SPAG9: variants seen among roughly 807,000 people sequenced by gnomAD.
SPAG9 encodes the protein C-Jun-amino-terminal kinase-interacting protein 4.
A neutral mutation model predicts 166.5 loss-of-function variants in SPAG9; 35 were observed. The ratio of observed to expected loss-of-function variants is 0.21; its 90% CI spans 0.16 to 0.28. SPAG9 has a LOEUF of 0.28. SPAG9 is among the 10% of genes least tolerant of loss of function. The pLI is 1.00. For missense variants in SPAG9, 1,235 were observed against 1,603.3 expected, an observed-to-expected ratio of 0.77 and a Z score of 3.92; for synonymous variants, 534 against 565.5, an observed-to-expected ratio of 0.94 and a Z score of 0.79.
chr17:51,106,296 G>A (rs931228467), intron 1 of SPAG9, among the ~76,000 whole-genome samples: 12 of 151,950 alleles, frequency 7.9e-5, no homozygotes, highest in African/African-American at 2.7e-4. Context: ...GAGCAAGACC[G>A]TGTCTCAAAA....
chr17:51,080,912 A>AG (rs2048146444), intron 1 of SPAG9, among the ~76,000 whole-genome samples: 1 of 149,308 alleles, frequency 6.7e-6, no homozygotes, highest in Non-Finnish European at 1.5e-5. Flanking sequence ...AAAAAAAAAA[A>AG]GCATCTTAAA....
chr17:51,070,350 C>G (rs926178884), intron 2 of SPAG9, among the ~76,000 whole-genome samples: 1 of 152,116 alleles, frequency 6.6e-6, no homozygotes, highest in Admixed American at 6.5e-5. Flanking sequence ...TTATGACAAG[C>G]AAAATGGAAT....
chr17:50,979,625 G>A (rs1974447857), intron 26 of SPAG9, 121 bp downstream of exon 26: 2 of 898,226 alleles, frequency 2.2e-6, no homozygotes, highest in Non-Finnish European at 3.5e-6. Context: ...GACTGCACCT[G>A]TGCATAGCCA....
At chr17:51,101,796 TG>T (rs2048815524) in intron 1 of SPAG9, among the ~76,000 whole-genome samples, 1 of 152,082 alleles carries the variant, frequency 6.6e-6, no homozygotes, top group South Asian at 2.1e-4. Flanking sequence ...GCTAATTTTT[TG>T]TATTTTTAGT....
At chr17:50,986,427 T>C (rs1975055586) in intron 22 of SPAG9, among the ~76,000 whole-genome samples, 1 of 152,198 alleles carries the variant, frequency 6.6e-6, no homozygotes. Flanking sequence ...TTCTGACTTT[T>C]TCAGATTTTA....
chr17:50,975,398 G>C (rs1039983571), intron 27 of SPAG9: 2 of 199,830 alleles, frequency 1.0e-5, no homozygotes, highest in African/African-American at 4.8e-5. Flanking sequence ...TTTCCCTTGA[G>C]GGGGTTGGTA....
chr17:51,078,611 A>C (rs1202217749), intron 2 of SPAG9, among the ~76,000 whole-genome samples: 61 of 148,792 alleles, frequency 4.1e-4, no homozygotes, highest in African/African-American at 1.1e-3. Flanking sequence ...AAAGTTTCTC[A>C]CCTTTTTTTT....
intron 2 of SPAG9, among the ~76,000 whole-genome samples, chr17:51,077,929 C>T (rs895171707): frequency 6.6e-6 from 1 of 152,100 alleles, no homozygotes; most frequent in South Asian, 2.1e-4. Flanking sequence ...GCTGGGATTA[C>T]AAGTGTGAAT....
At chr17:51,017,742 TGGG>T (rs2045763134) in intron 8 of SPAG9, among the ~76,000 whole-genome samples, 1 of 152,172 alleles carries the variant, frequency 6.6e-6, no homozygotes, top group Admixed American at 6.5e-5. Context: ...ATTTATTGAA[TGGG>T]GCATTTTGCA....
chr17:51,105,417 A>T (rs771534086), intron 1 of SPAG9, among the ~76,000 whole-genome samples: 1 of 152,208 alleles, frequency 6.6e-6, no homozygotes, highest in Non-Finnish European at 1.5e-5. Context: ...ATGAGAGCTA[A>T]CTTTTCTGAA....
chr17:51,046,478 C>T (rs1043941926), intron 4 of SPAG9: 1 of 1,507,300 alleles, frequency 6.6e-7, no homozygotes, highest in Non-Finnish European at 8.9e-7. Flanking sequence ...TAAGCAGGGG[C>T]TTCTAAGAGA....
chr17:51,030,399 A>G (rs1325845810), intron 6 of SPAG9, among the ~76,000 whole-genome samples: 1 of 152,222 alleles, frequency 6.6e-6, no homozygotes, highest in Non-Finnish European at 1.5e-5. Context: ...GCCAAATGAA[A>G]ATAAAGACAA....
intron 2 of SPAG9, among the ~76,000 whole-genome samples, chr17:51,067,090 A>G (rs1449340679): frequency 1.3e-5 from 2 of 152,198 alleles, no homozygotes; most frequent in Admixed American, 6.5e-5. Flanking sequence ...TACAATATAA[A>G]TCATGTAACA....
At chr17:51,106,102 TACACAC>T (rs71149344) in intron 1 of SPAG9, among the ~76,000 whole-genome samples, 14,874 of 110,440 alleles carry the variant, frequency 0.13, 1,042 homozygotes, top group Middle Eastern at 0.17. Context: ...CCCCCATCTC[TACACAC>T]ACACACACAC....
At chr17:51,090,579 A>T (rs890964983) in intron 1 of SPAG9, among the ~76,000 whole-genome samples, 1 of 152,226 alleles carries the variant, frequency 6.6e-6, no homozygotes, top group Non-Finnish European at 1.5e-5. Flanking sequence ...ATTCCAAGGT[A>T]CTGGGAAATG....
intron 1 of SPAG9, among the ~76,000 whole-genome samples, chr17:51,083,327 C>T (rs1483457399): frequency 6.6e-6 from 1 of 150,926 alleles, no homozygotes; most frequent in Non-Finnish European, 1.5e-5. Flanking sequence ...CTCTGGCTCC[C>T]GAGTTCAAGT....
chr17:50,965,890 C>T lies in SPAG9; in HGVS notation c.*382G>A. The T allele has an allele frequency of 5.3e-6, 1 of 188,338 alleles. No homozygotes were observed. Among genetic ancestry groups the T allele is most frequent in the Admixed American group, 5.3e-5 (1 of 18,910 alleles). The allele number at this position is 188,338 out of a possible 1,614,324, so 11.7% of individuals were successfully genotyped here. On this transcript the variant is annotated 3_prime_UTR_variant, in exon 30 of 30. Coordinates refer to ENST00000262013, the MANE Select transcript of SPAG9 (RefSeq NM_001130528.3). ...GCTATTGTATTTAACGGTACAGTTTCATTTATCAAGTGTTTCCCATTAATT... is the reference window on the plus strand; with the variant it reads ...GCTATTGTATTTAACGGTACAGTTTTATTTATCAAGTGTTTCCCATTAATT...
intron 26 of SPAG9, among the ~76,000 whole-genome samples, chr17:50,979,259 C>A (rs1974412130): frequency 6.6e-6 from 1 of 150,740 alleles, no homozygotes; most frequent in Non-Finnish European, 1.5e-5. Flanking sequence ...GCCTGTCCAG[C>A]TACTGGGAAG....
At chr17:51,076,523 G>A (rs1220380611) in intron 2 of SPAG9, among the ~76,000 whole-genome samples, 1 of 151,980 alleles carries the variant, frequency 6.6e-6, no homozygotes, top group African/African-American at 2.4e-5. Flanking sequence ...ATCACCTGAG[G>A]TTGGGAGTTC....
Sources: allele counts gnomAD v4.1 joint callset (sites outside exome capture counted in the v4.1 genomes callset), GRCh38; gene constraint gnomAD v4.1.1; transcripts MANE v1.5; gene names NCBI Gene and HGNC (gene_info 2026-07-23, HGNC 2026-07-21).